The following CENPP variants were observed in gnomAD, a reference collection of about 807,000 sequenced individuals.
The protein encoded by CENPP is centromere protein P.
Under a neutral mutation model 35.6 loss-of-function variants are expected in CENPP, and 24 were observed. The ratio of observed to expected loss-of-function variants is 0.67; its 90% CI spans 0.49 to 0.95. The LOEUF (loss-of-function observed/expected upper bound fraction) is 0.95, where lower values mean the gene tolerates loss of function less well. Among genes scored for constraint, CENPP ranks in the 40% least tolerant of loss-of-function variants. The pLI is 0.00. For synonymous variants in CENPP, 120 were observed against 125.5 expected (o/e 0.96, Z 0.29); for missense variants, 332 against 345.3 (o/e 0.96, Z 0.31).
At position 92,616,390 on chromosome 9, in the gene CENPP, T is replaced by C. The variant is rs1037003770; in HGVS notation, c.*3241T>C. The C allele has an allele frequency of 9.0e-6, 2 of 222,846 alleles. No individual in the cohort carries two copies. The highest frequency in any genetic ancestry group is 2.3e-5 in the African/African-American group (1 of 43,766). The allele number at this position is 222,846 out of a possible 1,614,324, so 13.8% of individuals were successfully genotyped here. On this transcript the variant is annotated 3_prime_UTR_variant, in exon 8 of 8. Coordinates refer to ENST00000375587, the MANE Select transcript of CENPP (RefSeq NM_001012267.3). ...GGACTGAAAGATGGAAAAGTAATTA[T>C]GTGGAACATGTGAGCGATGTTCCCC...
intron 5 of CENPP, among the ~76,000 whole-genome samples, chr9:92,488,838 T>C (rs1846118346): frequency 6.6e-6 from 1 of 152,216 alleles, no homozygotes; most frequent in Non-Finnish European, 1.5e-5. Flanking sequence ...ATGTATTCCT[T>C]TTCTTTTCCA....
chr9:92,569,045 G>A (rs1850068122), intron 5 of CENPP, among the ~76,000 whole-genome samples: 1 of 152,180 alleles, frequency 6.6e-6, no homozygotes. Context: ...TGTTCACTCT[G>A]ATGGTAGTTT....
At chr9:92,404,468 TA>T in intron 5 of CENPP, 1 of 1,243,170 alleles carries the variant, frequency 8.0e-7, no homozygotes, top group Non-Finnish European at 1.0e-6. Context: ...AAACAATATT[TA>T]AAATAATATA....
In CENPP at chr9:92,491,752, G is replaced by GGAGA. The variant is rs1564350623; in HGVS notation, c.564+111893_564+111894insGAGA. Among the ~76,000 whole-genome samples the GGAGA allele has an allele frequency of 3.3e-5, 5 of 152,066 alleles. No homozygotes were observed. The East Asian group carries it at 9.6e-4, about 29-fold the overall frequency. ...CACTGAATTCCTTTTGATGTCTCTC[G>GGAGA]TATCTGTGCTGTGAAGGCTCTCACT... is the stretch of plus-strand genomic sequence containing the variant. On this transcript the variant is annotated intron_variant, in intron 5 of 7. Coordinates refer to ENST00000375587, the MANE Select transcript of CENPP (RefSeq NM_001012267.3).
At chr9:92,550,633 A>G (rs1849568566) in intron 5 of CENPP, among the ~76,000 whole-genome samples, 1 of 151,916 alleles carries the variant, frequency 6.6e-6, no homozygotes, top group Admixed American at 6.6e-5. Context: ...CTAGATAGTT[A>G]TGCATGTAAA....
chr9:92,541,554 C>T (rs1207047507), intron 5 of CENPP, among the ~76,000 whole-genome samples: 1 of 151,228 alleles, frequency 6.6e-6, no homozygotes, highest in East Asian at 2.0e-4. Flanking sequence ...TTTTAAGATT[C>T]CATATATAAG....
intron 6 of CENPP, 70 bp downstream of exon 6, chr9:92,611,463 A>G: frequency 8.1e-7 from 1 of 1,237,486 alleles, no homozygotes; most frequent in South Asian, 1.3e-5. Context: ...GAGACCACCT[A>G]AGTAGGATTC....
chr9:92,416,132 C>G (rs1843605441), intron 5 of CENPP, among the ~76,000 whole-genome samples: 1 of 141,014 alleles, frequency 7.1e-6, no homozygotes, highest in South Asian at 2.2e-4. Context: ...CAGAGTTTTG[C>G]TCTGTCATCC....
At position 92,619,716 on chromosome 9, in the gene CENPP, G is replaced by A. The variant is rs1044684986; in HGVS notation, c.*6567G>A. On this transcript the variant is annotated 3_prime_UTR_variant, in exon 8 of 8. Coordinates refer to ENST00000375587, the MANE Select transcript of CENPP (RefSeq NM_001012267.3). ...AGCGAGGGCCACGGTGAGCACGGGC[G>A]TCAGGAGGTCGCCCTGTGAGAGCAC... The A allele has an allele frequency of 7.8e-5, 54 of 691,492 alleles. No homozygotes were observed. Among genetic ancestry groups the A allele is most frequent in the Non-Finnish European group, 1.1e-4 (44 of 397,446 alleles). The allele number at this position is 691,492 out of a possible 1,614,324, so 42.8% of individuals were successfully genotyped here.
At chr9:92,483,721 G>A (rs565294663) in intron 5 of CENPP, among the ~76,000 whole-genome samples, 24 of 152,344 alleles carry the variant, frequency 1.6e-4, no homozygotes, top group African/African-American at 5.3e-4. Flanking sequence ...CACACATTGT[G>A]TTAAGCAAGG....
At chr9:92,553,519 T>C (rs1411300715) in intron 5 of CENPP, among the ~76,000 whole-genome samples, 1 of 152,196 alleles carries the variant, frequency 6.6e-6, no homozygotes, top group Non-Finnish European at 1.5e-5. Context: ...TCCACAATAT[T>C]GATTCTACCC....
chr9:92,619,797 C>G lies in CENPP; in HGVS notation c.*6648C>G. 1 of 550,818 alleles carries G rather than the reference C, an allele frequency of 1.8e-6. No homozygotes were observed. 34.1% of individuals were successfully genotyped at this position (550,818 alleles called of 1,614,324 possible). ...TCAGAGGCCAGCACCGCCCCCTGAC[C>G]TCTCACGGCAAGCAGTGTGGGACCC... is the stretch of plus-strand genomic sequence containing the variant. On this transcript the variant is annotated 3_prime_UTR_variant, in exon 8 of 8. Coordinates refer to ENST00000375587, the MANE Select transcript of CENPP (RefSeq NM_001012267.3).
chr9:92,411,093 C>T (rs1843432832), intron 5 of CENPP, among the ~76,000 whole-genome samples: 1 of 151,968 alleles, frequency 6.6e-6, no homozygotes, highest in Non-Finnish European at 1.5e-5. Context: ...CTGCCTCAGC[C>T]TCCTGAGTAT....
chr9:92,586,190 C>G (rs1462024914), intron 5 of CENPP, among the ~76,000 whole-genome samples: 3 of 152,184 alleles, frequency 2.0e-5, no homozygotes, highest in Non-Finnish European at 4.4e-5. Context: ...GGACTACAGG[C>G]ATGCACCACC....
At chr9:92,578,654 T>C (rs961856987) in intron 5 of CENPP, among the ~76,000 whole-genome samples, 1 of 152,172 alleles carries the variant, frequency 6.6e-6, no homozygotes, top group African/African-American at 2.4e-5. Context: ...GTTGTTTGTT[T>C]TTTTCTTGTA....
Position 92,465,110 on chromosome 9 carries a change from G to T in CENPP, c.564+85251G>T, listed in dbSNP as rs1845256241. 4 of 930,390 alleles carry T rather than the reference G, an allele frequency of 4.3e-6. No individual in the cohort carries two copies. The South Asian group carries it at 5.8e-5, about 13-fold the overall frequency. 57.6% of individuals were successfully genotyped at this position (930,390 alleles called of 1,614,324 possible). A position where few individuals can be genotyped will look rare whatever the true frequency, so the allele number is the denominator to read the frequency against. On this transcript the variant is annotated intron_variant, in intron 5 of 7. Coordinates refer to ENST00000375587, the MANE Select transcript of CENPP (RefSeq NM_001012267.3). The stretch of plus-strand genomic sequence containing the variant: ...CACAGTGCAGAGAGACACATCCCAA[G>T]AATGAATATCCCAAGAAGCGTGAGC...
intron 5 of CENPP, chr9:92,493,497 A>G (rs1564351384): frequency 1.3e-5 from 2 of 152,240 alleles, no homozygotes; most frequent in East Asian, 3.9e-4. Context: ...CCAAATCTCA[A>G]AATTATACTG....
chr9:92,530,623 G>C (rs1439289878), intron 5 of CENPP, among the ~76,000 whole-genome samples: 1 of 152,258 alleles, frequency 6.6e-6, no homozygotes, highest in East Asian at 1.9e-4. Flanking sequence ...TTTATCATTA[G>C]GTGGATACTT....
At chr9:92,519,311 A>G (rs1180088262) in intron 5 of CENPP, among the ~76,000 whole-genome samples, 1 of 152,256 alleles carries the variant, frequency 6.6e-6, no homozygotes, top group Non-Finnish European at 1.5e-5. Flanking sequence ...GAAATGGAAA[A>G]GCTGATCCTT....
Sources: allele counts gnomAD v4.1 joint callset (sites outside exome capture counted in the v4.1 genomes callset), GRCh38; gene constraint gnomAD v4.1.1; transcripts MANE v1.5; gene names NCBI Gene and HGNC (gene_info 2026-07-23, HGNC 2026-07-21).